The following DNAI1 variants were observed in gnomAD, a reference collection of about 807,000 sequenced individuals.
The protein encoded by DNAI1 is dynein, axonemal, intermediate polypeptide 1.
Under a neutral mutation model 92.0 loss-of-function variants are expected in DNAI1, and 67 were observed. The ratio of observed to expected loss-of-function variants is 0.73; its 90% confidence interval spans 0.60 to 0.89. DNAI1 has a LOEUF of 0.89. DNAI1 is among the 40% of genes least tolerant of loss of function. DNAI1 has a pLI of 0.00. For synonymous variants in DNAI1, 323 were observed against 319.6 expected (o/e 1.01, Z -0.11); for missense variants, 839 against 866.6 (o/e 0.97, Z 0.40).
chr9:34,466,287 T>C (rs1387989121), intron 1 of DNAI1, among the ~76,000 whole-genome samples: 1 of 152,226 alleles, frequency 6.6e-6, no homozygotes, highest in East Asian at 1.9e-4. Context: ...CCCCTAATGT[T>C]AAGCTTATTT....
At chr9:34,481,707 A>G (rs1824359191) in intron 1 of DNAI1, among the ~76,000 whole-genome samples, 1 of 152,056 alleles carries the variant, frequency 6.6e-6, no homozygotes, top group Non-Finnish European at 1.5e-5. Flanking sequence ...GGTGAGTGTT[A>G]CAGCTCTTAA....
intron 9 of DNAI1, 124 bp downstream of exon 9, chr9:34,493,452 G>A (rs1824653146): frequency 1.5e-6 from 2 of 1,340,968 alleles, no homozygotes; most frequent in Admixed American, 1.8e-5. Context: ...CTAATGTTGA[G>A]ATATAAATAG....
intron 13 of DNAI1, among the ~76,000 whole-genome samples, chr9:34,508,516 T>C (rs367708028): frequency 7.9e-5 from 12 of 152,138 alleles, no homozygotes; most frequent in African/African-American, 2.9e-4. Flanking sequence ...GAAGGATCTC[T>C]GTAGAAACTT....
At chr9:34,518,704 A>T (rs1244554104) in intron 19 of DNAI1, among the ~76,000 whole-genome samples, 1 of 152,214 alleles carries the variant, frequency 6.6e-6, no homozygotes, top group Non-Finnish European at 1.5e-5. Flanking sequence ...ACCCTCCAGG[A>T]GGGATGATGG....
chr9:34,489,965 G>A (rs1824551608), intron 5 of DNAI1, 47 bp from the exon 6 acceptor site: 1 of 1,606,738 alleles, frequency 6.2e-7, no homozygotes, highest in Non-Finnish European at 8.5e-7. Flanking sequence ...GCCACAGATT[G>A]GGAGAGCAGG....
In DNAI1 at chr9:34,520,956, T is replaced by C; in HGVS notation, c.*200T>C. On this transcript the variant is annotated 3_prime_UTR_variant, in exon 20 of 20. Coordinates refer to ENST00000242317, the MANE Select transcript of DNAI1 (RefSeq NM_012144.4). Reference sequence around the variant, plus strand: ...TTCAACCACCATTACCCCTCTAACTTTGCACAAATAAACCTGTGTAGAAAC... The same window carrying C: ...TTCAACCACCATTACCCCTCTAACTCTGCACAAATAAACCTGTGTAGAAAC... 2 of 639,970 alleles carry C rather than the reference T, an allele frequency of 3.1e-6. No individual in the cohort carries two copies. Among genetic ancestry groups the C allele is most frequent in the African/African-American group, 1.8e-5 (1 of 55,490 alleles). 39.6% of individuals were successfully genotyped at this position (639,970 alleles called of 1,614,324 possible).
At chr9:34,473,696 G>A (rs1235209725) in intron 1 of DNAI1, among the ~76,000 whole-genome samples, 1 of 151,954 alleles carries the variant, frequency 6.6e-6, no homozygotes, top group African/African-American at 2.4e-5. Flanking sequence ...ATATTGGTTG[G>A]TTGGTTGGTT....
Position 34,500,707 on chromosome 9 carries a change from C to T in DNAI1, c.902-15C>T, listed in dbSNP as rs373836235. 6.9e-6 allele frequency: 11 copies of T among 1,598,794 alleles called. No individual in the cohort carries two copies. In the African/African-American group the frequency reaches 1.3e-4, roughly 19 times the overall value. ...GCGGCAGTCCCAGGGCTGACTCTGC[C>T]TGTGTGTGTTTAAGATTTTAAGTAC... On this transcript the variant is annotated splice_polypyrimidine_tract_variant and intron_variant, in intron 10 of 19. Coordinates refer to ENST00000242317, the MANE Select transcript of DNAI1 (RefSeq NM_012144.4).
At chr9:34,513,465 A>AG (rs543788832) in intron 16 of DNAI1, among the ~76,000 whole-genome samples, 48 of 152,218 alleles carry the variant, frequency 3.2e-4, no homozygotes, top group African/African-American at 1.1e-3. Context: ...TTGAGGTAGA[A>AG]GGGGGGATTC....
rs772985657 is a variant in DNAI1 at position 34,517,434 on chromosome 9, C to T, written c.1968C>T (p.Leu656=). 6.8e-6 allele frequency: 11 copies of T among 1,614,208 alleles called. No individual in the cohort carries two copies. The South Asian group carries it at 1.1e-4, about 16-fold the overall frequency. The part of the protein sequence containing the change: ...VGDDRGHIIS[L]KLSPNLRKMP... ...ATGACCGTGGGCACATCATCAGCCT[C>T]AAGCTCTCACCCAATTTGCGCAAGA... Residue 656 remains leucine (L), a synonymous_variant, in exon 19 of 20, where the codon CTC becomes CTT. Transcript: ENST00000242317.
chr9:34,472,345 G>T (rs1824153545), intron 1 of DNAI1, among the ~76,000 whole-genome samples: 1 of 152,210 alleles, frequency 6.6e-6, no homozygotes, highest in South Asian at 2.1e-4. Context: ...GCAGAGGCAG[G>T]TATCCAGCAA....
chr9:34,517,612 C>A, intron 19 of DNAI1, 145 bp downstream of exon 19: 1 of 993,032 alleles, frequency 1.0e-6, no homozygotes, highest in Non-Finnish European at 1.5e-6. Flanking sequence ...GAATGAGGCT[C>A]ACAGTAGAAG....
At chr9:34,491,435 T>A in intron 7 of DNAI1, 60 bp from the exon 8 acceptor site, 1 of 1,579,028 alleles carries the variant, frequency 6.3e-7, no homozygotes, top group Non-Finnish European at 8.7e-7. Flanking sequence ...GATATACTGT[T>A]GGATTAAGTG....
At chr9:34,495,287 T>G (rs1387792859) in intron 9 of DNAI1, among the ~76,000 whole-genome samples, 1 of 152,108 alleles carries the variant, frequency 6.6e-6, no homozygotes, top group Non-Finnish European at 1.5e-5. Context: ...AGAACACAAC[T>G]GGAAACCTGC....
chr9:34,514,336 G>T (rs1251257996), intron 16 of DNAI1, 58 bp from the exon 17 acceptor site: 2 of 1,599,910 alleles, frequency 1.3e-6, no homozygotes, highest in East Asian at 2.2e-5. Context: ...AGACCCCCAG[G>T]GAAGTGGTGG....
chr9:34,480,101 C>CCA (rs1824320665), intron 1 of DNAI1, among the ~76,000 whole-genome samples: 1 of 152,196 alleles, frequency 6.6e-6, no homozygotes, highest in Non-Finnish European at 1.5e-5. Flanking sequence ...CTGCCACCAA[C>CCA]GTGTGCCCTT....
At chr9:34,476,106 A>G (rs1824231383) in intron 1 of DNAI1, among the ~76,000 whole-genome samples, 1 of 152,180 alleles carries the variant, frequency 6.6e-6, no homozygotes, top group Non-Finnish European at 1.5e-5. Context: ...GAACAGTTTT[A>G]CCTACTTTGC....
At chr9:34,513,429 C>T (rs1825112022) in intron 16 of DNAI1, among the ~76,000 whole-genome samples, 1 of 152,158 alleles carries the variant, frequency 6.6e-6, no homozygotes, top group Non-Finnish European at 1.5e-5. Context: ...ATCTTTTCCT[C>T]CGGGCCCTCC....
chr9:34,490,481 C>G lies in DNAI1; in HGVS notation c.614C>G (p.Pro205Arg), dbSNP rs752018316. 4.3e-6 allele frequency: 7 copies of G among 1,614,034 alleles called. No homozygotes were observed. The highest frequency in any genetic ancestry group is 8.5e-7 in the Non-Finnish European group (1 of 1,180,052). ...AGGGCCTCACAGACCTACAACAACC[C>G]TGTCCGGGTAGAGCAGCCCCCACCC... ...SERASQTYNN[P>R]VRDRECQTEP... Residue 205 changes from proline (P) to arginine (R), a missense_variant, in exon 7 of 20, where the codon CCT becomes CGT. Pro to Arg is a moderately radical substitution (Grantham distance 103). Coordinates refer to ENST00000242317, the MANE Select transcript of DNAI1 (RefSeq NM_012144.4).
Sources: gnomAD v4.1 joint callset for allele counts (sites outside exome capture counted in the v4.1 genomes callset) on GRCh38, gnomAD v4.1.1 for gene constraint, MANE v1.5 for transcripts, NCBI Gene and HGNC (gene_info 2026-07-23, HGNC 2026-07-21) for gene names.